Variants in NKAIN2 observed in about 807,000 individuals in gnomAD.
NKAIN2 encodes the protein sodium/potassium transporting ATPase interacting 2, also known as sodium/potassium-transporting ATPase subunit beta-1-interacting protein 2.
NKAIN2 carries 14 observed loss-of-function variants against 32.6 expected under a neutral mutation model. That is an observed-to-expected ratio of 0.43 (90% CI 0.28 to 0.67). The LOEUF (loss-of-function observed/expected upper bound fraction) is 0.67. NKAIN2 is among the 30% of genes least tolerant of loss of function. NKAIN2 has a pLI of 0.17. For synonymous variants in NKAIN2, 80 were observed against 87.2 expected (o/e 0.92, Z 0.46); for missense variants, 198 against 258.3 (o/e 0.77, Z 1.60).
intron 1 of NKAIN2, among the ~76,000 whole-genome samples, chr6:124,036,023 A>G (rs899677811): frequency 6.6e-6 from 1 of 152,120 alleles, no homozygotes; most frequent in African/African-American, 2.4e-5. Flanking sequence ...TATTAAAAGA[A>G]TAAGTAATGG....
At chr6:123,930,382 A>G (rs1776199389) in intron 1 of NKAIN2, among the ~76,000 whole-genome samples, 1 of 152,114 alleles carries the variant, frequency 6.6e-6, no homozygotes, top group African/African-American at 2.4e-5. Flanking sequence ...GTCTTTATAG[A>G]ACTAACAGTA....
At chr6:124,561,236 T>G (rs527307) in intron 3 of NKAIN2, among the ~76,000 whole-genome samples, 89,979 of 152,008 alleles carry the variant, frequency 0.59, 26,801 homozygotes, top group East Asian at 0.67. Context: ...AATCTGTAGC[T>G]AAAATAATCA....
At chr6:124,559,182 G>T (rs1239791715) in intron 3 of NKAIN2, among the ~76,000 whole-genome samples, 1 of 152,114 alleles carries the variant, frequency 6.6e-6, no homozygotes, top group Non-Finnish European at 1.5e-5. Flanking sequence ...GGTGGAGGAT[G>T]GTTGAATACA....
chr6:124,212,887 A>G (rs1791263619), intron 1 of NKAIN2, among the ~76,000 whole-genome samples: 1 of 152,162 alleles, frequency 6.6e-6, no homozygotes, highest in African/African-American at 2.4e-5. Context: ...ACATTCATGT[A>G]TGATCAAGGA....
intron 1 of NKAIN2, among the ~76,000 whole-genome samples, chr6:124,025,905 A>G (rs1007812542): frequency 1.3e-5 from 2 of 152,150 alleles, no homozygotes; most frequent in South Asian, 4.1e-4. Flanking sequence ...CTCCCCTGAA[A>G]CAAGTTCATA....
chr6:124,528,470 G>A (rs1340421767), intron 3 of NKAIN2, among the ~76,000 whole-genome samples: 3 of 152,276 alleles, frequency 2.0e-5, no homozygotes, highest in Non-Finnish European at 2.9e-5. Context: ...CCCACCTAAT[G>A]CAGTTCCTTG....
At chr6:124,037,679 G>A (rs1334971387) in intron 1 of NKAIN2, among the ~76,000 whole-genome samples, 1 of 152,112 alleles carries the variant, frequency 6.6e-6, no homozygotes, top group Non-Finnish European at 1.5e-5. Flanking sequence ...TGGGTGCCAT[G>A]TTATAATAAC....
chr6:124,698,349 G>C (rs138522510), intron 4 of NKAIN2, among the ~76,000 whole-genome samples: 16 of 152,216 alleles, frequency 1.1e-4, no homozygotes, highest in African/African-American at 3.9e-4. Flanking sequence ...AAAAGTGTTA[G>C]CATAAAAAAA....
intron 1 of NKAIN2, among the ~76,000 whole-genome samples, chr6:123,861,976 A>T (rs1775802743): frequency 6.6e-6 from 1 of 152,208 alleles, no homozygotes; most frequent in Admixed American, 6.5e-5. Context: ...ATTAATTTGT[A>T]TATCTGGGAA....
intron 1 of NKAIN2, among the ~76,000 whole-genome samples, chr6:124,019,239 C>A (rs1014098354): frequency 6.6e-6 from 1 of 152,092 alleles, no homozygotes; most frequent in African/African-American, 2.4e-5. Context: ...GGGGACGAAA[C>A]CAAACTATAT....
chr6:124,065,646 C>T lies in NKAIN2; in HGVS notation c.55-217359C>T, dbSNP rs148336974. ...GTTGGTGCCTTGATCTTGCACTTCCCAGCCTCCAGAACGGTAAGAAATAAA... is the reference window on the plus strand; with the variant it reads ...GTTGGTGCCTTGATCTTGCACTTCCTAGCCTCCAGAACGGTAAGAAATAAA... On this transcript the variant is annotated intron_variant, in intron 1 of 6. Coordinates refer to ENST00000368417, the MANE Select transcript of NKAIN2 (RefSeq NM_001040214.3). Among the ~76,000 whole-genome samples the T allele has an allele frequency of 8.7e-3, 1,317 of 152,228 alleles. 18 individuals are homozygous for T. The highest frequency in any genetic ancestry group is 0.03 in the African/African-American group (1,253 of 41,540).
intron 3 of NKAIN2, among the ~76,000 whole-genome samples, chr6:124,430,473 G>A (rs1237147389): frequency 2.6e-5 from 4 of 152,158 alleles, no homozygotes; most frequent in East Asian, 3.9e-4. Flanking sequence ...ATCAGAGGAC[G>A]GTTTGGCCTG....
intron 3 of NKAIN2, among the ~76,000 whole-genome samples, chr6:124,640,601 A>T (rs1429938366): frequency 6.6e-6 from 1 of 152,210 alleles, no homozygotes; most frequent in Non-Finnish European, 1.5e-5. Flanking sequence ...CTATAAAGTC[A>T]GTGAGAAGTT....
intron 3 of NKAIN2, among the ~76,000 whole-genome samples, chr6:124,382,499 C>G (rs992692273): frequency 2.0e-5 from 3 of 152,070 alleles, no homozygotes; most frequent in Non-Finnish European, 2.9e-5. Flanking sequence ...TATGATAGGC[C>G]TTTTCCAATC....
chr6:124,295,439 A>C (rs574388238), intron 2 of NKAIN2, among the ~76,000 whole-genome samples: 3 of 152,304 alleles, frequency 2.0e-5, no homozygotes, highest in South Asian at 4.1e-4. Flanking sequence ...AAACTAAGAC[A>C]AACAGCCCCA....
intron 1 of NKAIN2, among the ~76,000 whole-genome samples, chr6:123,876,769 A>G (rs973221439): frequency 3.4e-4 from 51 of 152,236 alleles, no homozygotes; most frequent in African/African-American, 1.2e-3. Context: ...GGGGAGGGCC[A>G]TCTGCTTTTC....
At chr6:124,231,735 T>C (rs802305) in intron 1 of NKAIN2, among the ~76,000 whole-genome samples, 106,583 of 151,938 alleles carry the variant, frequency 0.7, 37,562 homozygotes, top group South Asian at 0.76. Flanking sequence ...TCCCCAGCCA[T>C]ATGGAACTGT....
chr6:124,667,926 G>A (rs1184561941), intron 4 of NKAIN2, among the ~76,000 whole-genome samples: 2 of 152,036 alleles, frequency 1.3e-5, no homozygotes, highest in African/African-American at 2.4e-5. Flanking sequence ...AAATAGGATC[G>A]AAAACTCTAC....
intron 3 of NKAIN2, among the ~76,000 whole-genome samples, chr6:124,588,946 T>G (rs968253083): frequency 3.9e-5 from 6 of 152,332 alleles, no homozygotes; most frequent in Non-Finnish European, 8.8e-5. Context: ...TTGGGTATTT[T>G]CCCGTTATGG....
Sources: allele counts gnomAD v4.1 joint callset (sites outside exome capture counted in the v4.1 genomes callset), GRCh38; gene constraint gnomAD v4.1.1; transcripts MANE v1.5; gene names NCBI Gene and HGNC (gene_info 2026-07-23, HGNC 2026-07-21).